NUP153: variants seen among roughly 807,000 people sequenced by gnomAD.
NUP153 encodes the protein nucleoporin 153, also known as nuclear pore complex protein Nup153.
Under a neutral mutation model 134.6 loss-of-function variants are expected in NUP153, and 27 were observed. The ratio of observed to expected loss-of-function variants is 0.20; its 90% CI spans 0.15 to 0.28. The LOEUF (loss-of-function observed/expected upper bound fraction) is 0.28, where lower values mean the gene tolerates loss of function less well. Ranked by LOEUF, NUP153 falls within the 10% of genes least tolerant of loss-of-function variation. The pLI, the probability that NUP153 is intolerant of heterozygous loss-of-function variation, is 1.00. For missense variants in NUP153, 1,821 were observed against 1,731.3 expected, an observed-to-expected ratio of 1.05 and a Z score of -0.92; for synonymous variants, 640 against 623.5, an observed-to-expected ratio of 1.03 and a Z score of -0.40.
At chr6:17,677,992 A>G (rs116855919) in intron 2 of NUP153, among the ~76,000 whole-genome samples, 2 of 152,252 alleles carry the variant, frequency 1.3e-5, no homozygotes, top group East Asian at 3.9e-4. Flanking sequence ...CTTAATATCT[A>G]GAAGTGGTGG....
intron 1 of NUP153, among the ~76,000 whole-genome samples, chr6:17,700,614 T>C (rs1769991084): frequency 1.3e-5 from 2 of 152,136 alleles, no homozygotes; most frequent in Non-Finnish European, 2.9e-5. Context: ...CTGAGAACAC[T>C]CCAGCTATCA....
chr6:17,644,380 T>G (rs1001947081), intron 14 of NUP153, among the ~76,000 whole-genome samples: 2 of 152,156 alleles, frequency 1.3e-5, no homozygotes, highest in African/African-American at 4.8e-5. Context: ...GTAAAAATCA[T>G]TCAACATCTC....
intron 14 of NUP153, among the ~76,000 whole-genome samples, chr6:17,640,354 A>C (rs1765775050): frequency 1.3e-5 from 2 of 152,210 alleles, no homozygotes; most frequent in African/African-American, 2.4e-5. Flanking sequence ...TCAAACTAAA[A>C]AACTGGAGAG....
At chr6:17,659,843 A>G (rs1767077838) in intron 11 of NUP153, among the ~76,000 whole-genome samples, 1 of 152,242 alleles carries the variant, frequency 6.6e-6, no homozygotes, top group South Asian at 2.1e-4. Context: ...TACAAAACCT[A>G]TAAAATTTAT....
Position 17,632,671 on chromosome 6 carries a change from C to G in NUP153, c.2638G>C (p.Gly880Arg), listed in dbSNP as rs1311552378. 1 of 1,606,552 alleles carries G rather than the reference C, an allele frequency of 6.2e-7. No homozygotes were observed. The highest frequency in any genetic ancestry group is 8.5e-7 in the Non-Finnish European group (1 of 1,176,878). ...KCLACESAKP[G>R]TKSGFKGFDT... ...TTACCTTTAAACCCAGATTTTGTGC[C>G]TGGCTTTGCACTTTCACATGCCAAA... Residue 880 changes from glycine (G) to arginine (R), a missense_variant, in exon 17 of 22, where the codon GGC (glycine) becomes CGC (arginine). Coordinates refer to ENST00000262077, the MANE Select transcript of NUP153 (RefSeq NM_005124.4).
intron 1 of NUP153, among the ~76,000 whole-genome samples, chr6:17,695,193 T>C (rs1769559124): frequency 6.6e-6 from 1 of 152,238 alleles, no homozygotes; most frequent in South Asian, 2.1e-4. Context: ...ATCTGTGTAA[T>C]CTTTAGTTCT....
intron 11 of NUP153, among the ~76,000 whole-genome samples, chr6:17,658,237 A>G (rs986670380): frequency 1.1e-4 from 16 of 152,218 alleles, no homozygotes; most frequent in Non-Finnish European, 2.2e-4. Context: ...TCTCGCTAAA[A>G]ATACAAAAAA....
Position 17,616,567 on chromosome 6 carries a change from C to A in NUP153, c.4303G>T (p.Gly1435Cys), listed in dbSNP as rs201853569. ...AASAQPSGSGGFPFNQSPAAF... is the reference protein window; with the variant it reads ...AASAQPSGSGCFPFNQSPAAF... ...GCTGGAGACTGGTTAAATGGAAAGC[C>A]CCCCGAGCCTGAAGGCTGGGCTGAG... The change falls in exon 21 of 22, where the codon GGC becomes TGC. Residue 1435 changes from glycine to cysteine, a missense_variant. Gly to Cys is a radical substitution (Grantham distance 159). Transcript: ENST00000262077. The A allele has an allele frequency of 1.7e-4, 281 of 1,613,966 alleles. 2 individuals are homozygous for A. The East Asian group carries it at 5.9e-3, about 34-fold the overall frequency.
chr6:17,659,779 G>A (rs554545838), intron 11 of NUP153, among the ~76,000 whole-genome samples: 14 of 152,102 alleles, frequency 9.2e-5, no homozygotes, highest in African/African-American at 2.7e-4. Flanking sequence ...CCGCCAACCC[G>A]TTTCTTAAAT....
chr6:17,660,293 T>C (rs1322838284), intron 11 of NUP153, among the ~76,000 whole-genome samples: 1 of 152,144 alleles, frequency 6.6e-6, no homozygotes, highest in Non-Finnish European at 1.5e-5. Context: ...CATTGGTCAA[T>C]GAGGGAGTCA....
At position 17,689,862 on chromosome 6, in the gene NUP153, G is replaced by A. The variant is rs190371068; in HGVS notation, c.112-1244C>T. 2.6e-5 allele frequency among the ~76,000 whole-genome samples: 4 copies of A among 152,230 alleles called. No individual in the cohort carries two copies. The East Asian group carries it at 7.7e-4, about 29-fold the overall frequency. On this transcript the variant is annotated intron_variant, in intron 1 of 21. Coordinates refer to ENST00000262077, the MANE Select transcript of NUP153 (RefSeq NM_005124.4). ...TTTCAAAGAAGAAAGGGAAAGTAAT[G>A]TGGTATAATAGCTTTCACTATTATT... is the stretch of plus-strand genomic sequence containing the variant.
At chr6:17,693,183 T>TACACACACAC (rs67348223) in intron 1 of NUP153, among the ~76,000 whole-genome samples, 13,502 of 145,772 alleles carry the variant, frequency 0.093, 747 homozygotes, top group Middle Eastern at 0.15. Flanking sequence ...AGCTTTTTCC[T>TACACACACAC]ACACACACAC....
chr6:17,681,792 T>G (rs1286971373), intron 2 of NUP153, among the ~76,000 whole-genome samples: 2 of 152,178 alleles, frequency 1.3e-5, no homozygotes, highest in African/African-American at 4.8e-5. Flanking sequence ...TGCTTTTTAC[T>G]TATCCCATTC....
chr6:17,702,409 G>C (rs768960195), intron 1 of NUP153, among the ~76,000 whole-genome samples: 1 of 152,230 alleles, frequency 6.6e-6, no homozygotes, highest in Non-Finnish European at 1.5e-5. Context: ...TCGGGAGGCT[G>C]AGGCAGAAGA....
At chr6:17,681,940 C>T (rs1266982557) in intron 2 of NUP153, among the ~76,000 whole-genome samples, 1 of 152,106 alleles carries the variant, frequency 6.6e-6, no homozygotes, top group Non-Finnish European at 1.5e-5. Flanking sequence ...GGTGTGGTGG[C>T]TCATCCCTAT....
intron 1 of NUP153, 97 bp from the exon 2 acceptor site, chr6:17,688,715 GTGTCCA>G (rs1433334058): frequency 2.2e-6 from 2 of 906,898 alleles, no homozygotes; most frequent in Admixed American, 4.8e-5. Context: ...AAACACAATG[GTGTCCA>G]ACAAGTTTGC....
At chr6:17,632,162 C>T (rs951121949) in intron 17 of NUP153, among the ~76,000 whole-genome samples, 4 of 151,990 alleles carry the variant, frequency 2.6e-5, no homozygotes, top group Middle Eastern at 3.4e-3. Flanking sequence ...TTCATCTGGG[C>T]GCGGTGGCTC....
intron 7 of NUP153, 66 bp downstream of exon 7, chr6:17,669,227 C>T (rs893201512): frequency 3.7e-6 from 5 of 1,337,062 alleles, no homozygotes; most frequent in South Asian, 1.2e-5. Context: ...TACAGGTGTG[C>T]ACCACCACAC....
chr6:17,706,648 C>A lies in NUP153; in HGVS notation c.-261G>T. Reference sequence around the variant, plus strand: ...TCCGGCCGCCTCTGCGGACCCCCGCCTCTGTGTGTGTCACGGTCTCTATGG... The same window carrying A: ...TCCGGCCGCCTCTGCGGACCCCCGCATCTGTGTGTGTCACGGTCTCTATGG... On this transcript the variant is annotated 5_prime_UTR_variant, in exon 1 of 22. In the 5' UTR this introduces an upstream ATG that the reference lacks. Transcript: ENST00000262077. This position sits in a 1 kb window ranked among gnomAD's most constrained non-coding sequence, Gnocchi z 5.9. 1 of 548,598 alleles carries A rather than the reference C, an allele frequency of 1.8e-6. No individual in the cohort carries two copies. Among genetic ancestry groups the A allele is most frequent in the Non-Finnish European group, 3.2e-6 (1 of 309,644 alleles). 34.0% of individuals were successfully genotyped at this position (548,598 alleles called of 1,614,324 possible). A position where few individuals can be genotyped will look rare whatever the true frequency, so the allele number is the denominator to read the frequency against.
Sources: gnomAD v4.1 joint callset for allele counts (sites outside exome capture counted in the v4.1 genomes callset) on GRCh38, gnomAD v4.1.1 for gene constraint, Gnocchi (gnomAD v3.1) non-coding constraint, MANE v1.5 for transcripts, NCBI Gene and HGNC (gene_info 2026-07-23, HGNC 2026-07-21) for gene names.